The following PTPRG variants were observed in gnomAD, a reference collection of about 807,000 sequenced individuals.
PTPRG encodes the protein protein tyrosine phosphatase receptor type G.
A neutral mutation model predicts 165.3 loss-of-function variants in PTPRG; 102 were observed. The observed-to-expected ratio is 0.62, with a 90% CI of 0.53 to 0.73. The LOEUF is 0.73. Among genes scored for constraint, PTPRG ranks in the 30% least tolerant of loss-of-function variants. The probability of loss-of-function intolerance (pLI) is 0.00; values close to 1 mark genes in which losing one functional copy is unlikely to be tolerated. For missense variants in PTPRG, 1,866 were observed against 1,861.4 expected, an observed-to-expected ratio of 1.00 and a Z score of -0.05; for synonymous variants, 675 against 669.5, an observed-to-expected ratio of 1.01 and a Z score of -0.13.
intron 8 of PTPRG, among the ~76,000 whole-genome samples, chr3:62,186,072 G>A (rs1455759810): frequency 6.6e-6 from 1 of 152,200 alleles, no homozygotes; most frequent in Non-Finnish European, 1.5e-5. Flanking sequence ...AGGCACAGTG[G>A]TGTCTGCCTG....
At chr3:62,107,714 G>A (rs143929479) in intron 5 of PTPRG, among the ~76,000 whole-genome samples, 45 of 152,248 alleles carry the variant, frequency 3.0e-4, no homozygotes, top group African/African-American at 1.0e-3. Flanking sequence ...CCAGAGTCAC[G>A]GTCAAAGATA....
intron 4 of PTPRG, among the ~76,000 whole-genome samples, chr3:62,026,254 A>G (rs2041800971): frequency 6.6e-6 from 1 of 152,262 alleles, no homozygotes; most frequent in Non-Finnish European, 1.5e-5. Context: ...TCTTGGTTAC[A>G]GAGGTCTTAG....
intron 2 of PTPRG, among the ~76,000 whole-genome samples, chr3:61,987,504 T>C (rs559053931): frequency 6.6e-6 from 1 of 152,346 alleles, no homozygotes; most frequent in Admixed American, 6.5e-5. Flanking sequence ...TATCTGTTTT[T>C]ACAAATGATG....
At chr3:61,632,752 A>G (rs770019473) in intron 1 of PTPRG, among the ~76,000 whole-genome samples, 3 of 152,182 alleles carry the variant, frequency 2.0e-5, no homozygotes, top group Non-Finnish European at 2.9e-5. Context: ...TTTCTGACCA[A>G]TTATTTCACA....
intron 29 of PTPRG, among the ~76,000 whole-genome samples, chr3:62,292,910 A>G (rs140079107): frequency 7.9e-5 from 12 of 152,296 alleles, no homozygotes; most frequent in Admixed American, 3.3e-4. Context: ...TTAACCAATA[A>G]TGATTGTTCA....
intron 5 of PTPRG, among the ~76,000 whole-genome samples, chr3:62,095,492 A>G (rs907405537): frequency 6.6e-6 from 1 of 152,344 alleles, no homozygotes; most frequent in Non-Finnish European, 1.5e-5. Flanking sequence ...CATATATAGT[A>G]TAACCTGGCC....
At chr3:61,877,008 A>T (rs2037759577) in intron 2 of PTPRG, among the ~76,000 whole-genome samples, 1 of 152,204 alleles carries the variant, frequency 6.6e-6, no homozygotes, top group South Asian at 2.1e-4. Flanking sequence ...ACATTAAGAA[A>T]TACCGCCTGT....
intron 1 of PTPRG, among the ~76,000 whole-genome samples, chr3:61,744,928 T>C (rs1338973130): frequency 6.6e-6 from 1 of 152,164 alleles, no homozygotes; most frequent in Non-Finnish European, 1.5e-5. Context: ...TGGTTTTGCC[T>C]GTGGCTTATG....
intron 4 of PTPRG, among the ~76,000 whole-genome samples, chr3:62,026,887 A>T (rs1386284557): frequency 1.3e-5 from 2 of 151,462 alleles, no homozygotes; most frequent in African/African-American, 4.9e-5. Context: ...ATTAAAAAAA[A>T]AAAAAAAGAT....
At chr3:62,135,118 A>G (rs1003281460) in intron 6 of PTPRG, among the ~76,000 whole-genome samples, 2 of 151,838 alleles carry the variant, frequency 1.3e-5, no homozygotes, top group Non-Finnish European at 2.9e-5. Flanking sequence ...ACAAAAAAAT[A>G]CAAAAATTAA....
chr3:61,705,517 A>T (rs747477526), intron 1 of PTPRG, among the ~76,000 whole-genome samples: 3 of 152,174 alleles, frequency 2.0e-5, no homozygotes, highest in Non-Finnish European at 4.4e-5. Context: ...TAAAGAAAAA[A>T]AAAATACTAT....
chr3:61,696,958 AG>A (rs1399966497), intron 1 of PTPRG, among the ~76,000 whole-genome samples: 6 of 152,174 alleles, frequency 3.9e-5, no homozygotes, highest in African/African-American at 1.4e-4. Flanking sequence ...ATGATGACAG[AG>A]TCTCTCTCCT....
intron 1 of PTPRG, among the ~76,000 whole-genome samples, chr3:61,664,440 G>A (rs1702751423): frequency 6.6e-6 from 1 of 152,178 alleles, no homozygotes; most frequent in Non-Finnish European, 1.5e-5. Context: ...GATTGTTGCA[G>A]TAAAGTAACC....
At chr3:61,720,506 T>C (rs1193810710) in intron 1 of PTPRG, among the ~76,000 whole-genome samples, 1 of 152,134 alleles carries the variant, frequency 6.6e-6, no homozygotes, top group Non-Finnish European at 1.5e-5. Flanking sequence ...CAATGAATAA[T>C]CACAATATCT....
chr3:61,949,422 A>G (rs926278198), intron 2 of PTPRG, among the ~76,000 whole-genome samples: 2 of 152,338 alleles, frequency 1.3e-5, no homozygotes, highest in African/African-American at 2.4e-5. Flanking sequence ...TTAATTATGT[A>G]GAGGAGAATC....
intron 2 of PTPRG, among the ~76,000 whole-genome samples, chr3:61,826,202 G>T (rs1036031105): frequency 6.6e-6 from 1 of 152,060 alleles, no homozygotes; most frequent in Non-Finnish European, 1.5e-5. Flanking sequence ...TGTTTCTCTC[G>T]TGGAAATTTG....
chr3:61,844,137 A>AT (rs1273856384), intron 2 of PTPRG, among the ~76,000 whole-genome samples: 1 of 151,640 alleles, frequency 6.6e-6, no homozygotes, highest in African/African-American at 2.4e-5. Flanking sequence ...CTATATTTGT[A>AT]TTTTTTAGTA....
At chr3:61,747,198 C>G (rs1323106261) in intron 1 of PTPRG, among the ~76,000 whole-genome samples, 1 of 152,156 alleles carries the variant, frequency 6.6e-6, no homozygotes, top group Non-Finnish European at 1.5e-5. Context: ...CTTGCGTTAT[C>G]TTTGTAACAG....
chr3:62,275,908 T>C lies in PTPRG; in HGVS notation c.3501T>C (p.Cys1167=). The change falls in exon 24 of 30, where the codon TGT becomes TGC. Residue 1167 remains cysteine, a synonymous_variant. Transcript: ENST00000474889. ...AGTGTAATGCAAAATATGTGGAATG[T>C]TTCAGTGCTCAGAAAGAGTGTAACA... is the stretch of plus-strand genomic sequence containing the variant. ...VTQCNAKYVE[C]FSAQKECNKE... 1.2e-6 allele frequency: 2 copies of C among 1,612,090 alleles called. No homozygotes were observed. The highest frequency in any genetic ancestry group is 1.1e-5 in the South Asian group (1 of 90,806).
Sources: allele counts gnomAD v4.1 joint callset (sites outside exome capture counted in the v4.1 genomes callset), GRCh38; gene constraint gnomAD v4.1.1; transcripts MANE v1.5; gene names NCBI Gene and HGNC (gene_info 2026-07-23, HGNC 2026-07-21).